SIK3: variants seen among roughly 807,000 people sequenced by gnomAD.
SIK3 encodes serine/threonine-protein kinase SIK3.
Under a neutral mutation model 144.2 loss-of-function variants are expected in SIK3, and 28 were observed. The observed-to-expected ratio is 0.19, with a 90% confidence interval of 0.14 to 0.27. SIK3 has a LOEUF of 0.27. Among genes scored for constraint, SIK3 ranks in the 10% least tolerant of loss-of-function variants. The probability of loss-of-function intolerance (pLI) is 1.00; values close to 1 mark genes in which losing one functional copy is unlikely to be tolerated. For synonymous variants in SIK3, 686 were observed against 676.3 expected, an observed-to-expected ratio of 1.01 and a Z score of -0.22; for missense variants, 1,319 against 1,776.0, an observed-to-expected ratio of 0.74 and a Z score of 4.62.
intron 1 of SIK3, among the ~76,000 whole-genome samples, chr11:117,000,174 G>C (rs1383792981): frequency 6.6e-6 from 1 of 152,120 alleles, no homozygotes; most frequent in East Asian, 1.9e-4. Context: ...ATTTTAGCAA[G>C]CTTATATAAA....
intron 1 of SIK3, among the ~76,000 whole-genome samples, chr11:117,095,599 G>A (rs1045547966): frequency 1.1e-4 from 17 of 152,146 alleles, no homozygotes; most frequent in African/African-American, 3.9e-4. Flanking sequence ...ATAGGCCATC[G>A]TACTGTATGT....
chr11:116,980,098 T>G (rs1950087727), intron 1 of SIK3, among the ~76,000 whole-genome samples: 3 of 152,196 alleles, frequency 2.0e-5, no homozygotes, highest in Admixed American at 2.0e-4. Context: ...CAAATGCTCC[T>G]CAATTTACAA....
chr11:116,867,799 T>A lies in SIK3; in HGVS notation c.1952+147A>T. On this transcript the variant is annotated intron_variant, in intron 15 of 24. Transcript: ENST00000445177. The surrounding 1 kb of genome is among the most constrained non-coding windows in gnomAD (Gnocchi z 4.1). ...AACCTTTGCCCTGTGCATTGCTTAC[T>A]GCAAGGAGCTGAGAAGATGTGAGTT... 1 of 789,394 alleles carries A rather than the reference T, an allele frequency of 1.3e-6. No homozygotes were observed. The highest frequency in any genetic ancestry group is 1.9e-6 in the Non-Finnish European group (1 of 523,060). 48.9% of individuals were successfully genotyped at this position (789,394 alleles called of 1,614,324 possible). A position where few individuals can be genotyped will look rare whatever the true frequency, so the allele number is the denominator to read the frequency against.
rs768662798 is a variant in SIK3 at position 116,873,917 on chromosome 11, G to C, written c.1567C>G (p.Gln523Glu). The C allele has an allele frequency of 5.6e-6, 9 of 1,612,680 alleles. No individual in the cohort carries two copies. In the Admixed American group the frequency reaches 8.4e-5, roughly 15 times the overall value. Reference sequence around the variant, plus strand: ...TGTCTAGGTACCTTGTACTCAAGTTGCCCGGTTGGTTGCAAGTTTTGCATA... The same window carrying C: ...TGTCTAGGTACCTTGTACTCAAGTTCCCCGGTTGGTTGCAAGTTTTGCATA... Reference protein sequence around the residue: ...LPMQNLQPTGQLEYKEQSLLQ... With the variant: ...LPMQNLQPTGELEYKEQSLLQ... The change falls in exon 12 of 25, where the codon CAA becomes GAA. Residue 523 changes from glutamine to glutamate, a missense_variant. By Grantham distance (29) the Gln-to-Glu change is conservative. Around this residue, in one of 8 missense-constraint regions of SIK3, gnomAD observed 167 missense variants for 263.3 expected, o/e 0.63. Coordinates refer to ENST00000445177, the MANE Select transcript of SIK3 (RefSeq NM_001366686.3).
At chr11:117,081,620 T>C (rs1565625509) in intron 1 of SIK3, among the ~76,000 whole-genome samples, 1 of 152,086 alleles carries the variant, frequency 6.6e-6, no homozygotes, top group African/African-American at 2.4e-5. Context: ...CGAGACTCCG[T>C]CTCAAAATAA....
rs770367886 is a variant in SIK3, at chr11:116,875,438, C to T, written c.1253G>A (p.Gly418Asp). The T allele has an allele frequency of 1.2e-6, 2 of 1,614,156 alleles. No homozygotes were observed. The highest frequency in any genetic ancestry group is 3.3e-5 in the Admixed American group (2 of 60,026). ...GGGAACGCTGATGTTCATAGCAGTA[C>T]CTGCCTGCTCCGCCTGGAAAGCAGT... The part of the protein sequence containing the change: ...APVNIQAEQA[G>D]TAMNISVPQV... The change falls in exon 10 of 25, where the codon GGT becomes GAT. Residue 418 changes from glycine (G) to aspartate (D), a missense_variant. Physicochemically the swap from Gly to Asp is moderately conservative, Grantham distance 94 (BLOSUM62 -1). Coordinates refer to ENST00000445177, the MANE Select transcript of SIK3 (RefSeq NM_001366686.3).
intron 3 of SIK3, among the ~76,000 whole-genome samples, chr11:116,945,764 A>C (rs1948560722): frequency 6.6e-6 from 1 of 152,140 alleles, no homozygotes; most frequent in Admixed American, 6.5e-5. Flanking sequence ...GGGGAAAAAA[A>C]TCACTCAATT....
chr11:117,049,974 G>A (rs1486175193), intron 1 of SIK3, among the ~76,000 whole-genome samples: 2 of 144,794 alleles, frequency 1.4e-5, no homozygotes, highest in African/African-American at 5.2e-5. Flanking sequence ...AAAAAAAATA[G>A]GATCTTATAT....
At position 116,867,907 on chromosome 11, in the gene SIK3, G is replaced by A. The variant is rs1416102150; in HGVS notation, c.1952+39C>T. The stretch of plus-strand genomic sequence containing the variant: ...CTAATCAGAAGGGTGCCTGTCCGAT[G>A]AGCCTCAAGGAGCTCGCACAGCTCA... On this transcript the variant is annotated intron_variant, in intron 15 of 24. Transcript: ENST00000445177. The surrounding 1 kb of genome is among the most constrained non-coding windows in gnomAD (Gnocchi z 4.1). 2.9e-5 allele frequency: 43 copies of A among 1,467,206 alleles called. No individual in the cohort carries two copies. The highest frequency in any genetic ancestry group is 1.8e-4 in the Middle Eastern group (1 of 5,576). 90.9% of individuals were successfully genotyped at this position (1,467,206 alleles called of 1,614,324 possible).
At chr11:117,038,563 G>C (rs967584803) in intron 1 of SIK3, among the ~76,000 whole-genome samples, 4 of 151,732 alleles carry the variant, frequency 2.6e-5, no homozygotes, top group Admixed American at 1.3e-4. Flanking sequence ...CACCATGTTG[G>C]CCAGGCTGGT....
At chr11:116,907,585 T>G (rs1946111471) in intron 4 of SIK3, among the ~76,000 whole-genome samples, 1 of 152,038 alleles carries the variant, frequency 6.6e-6, no homozygotes, top group Non-Finnish European at 1.5e-5. Flanking sequence ...GGCGGAGGGT[T>G]GCACCAGAGT....
chr11:116,943,743 A>G (rs1214734876), intron 3 of SIK3, among the ~76,000 whole-genome samples: 1 of 152,098 alleles, frequency 6.6e-6, no homozygotes, highest in Non-Finnish European at 1.5e-5. Flanking sequence ...ATGTATAGCA[A>G]CTATTCCTAT....
intron 6 of SIK3, 104 bp downstream of exon 6, chr11:116,896,149 G>T (rs1448186744): frequency 2.0e-6 from 3 of 1,488,872 alleles, no homozygotes; most frequent in African/African-American, 2.8e-5. Flanking sequence ...GTTAAAAAAG[G>T]TTGTAAGTGG....
At chr11:116,972,093 A>T (rs1949782232) in intron 1 of SIK3, among the ~76,000 whole-genome samples, 1 of 151,992 alleles carries the variant, frequency 6.6e-6, no homozygotes, top group Non-Finnish European at 1.5e-5. Flanking sequence ...TCTCAAAAAA[A>T]AAAAAAAAAG....
chr11:117,033,169 C>T (rs1271482352), intron 1 of SIK3, among the ~76,000 whole-genome samples: 2 of 152,058 alleles, frequency 1.3e-5, no homozygotes, highest in Non-Finnish European at 2.9e-5. Flanking sequence ...AACTCGGGAC[C>T]GTATATATCT....
intron 1 of SIK3, among the ~76,000 whole-genome samples, chr11:117,067,265 C>G (rs1011485838): frequency 6.6e-6 from 1 of 152,004 alleles, no homozygotes; most frequent in African/African-American, 2.4e-5. Context: ...GCAAGAAAAC[C>G]AGACACAATC....
chr11:116,870,646 G>A (rs1256261900), intron 13 of SIK3, among the ~76,000 whole-genome samples: 1 of 152,088 alleles, frequency 6.6e-6, no homozygotes, highest in East Asian at 1.9e-4. Context: ...CTAACAAATA[G>A]CCAAATGCTT....
chr11:116,911,489 A>G (rs1318417136), intron 4 of SIK3, among the ~76,000 whole-genome samples: 1 of 152,066 alleles, frequency 6.6e-6, no homozygotes, highest in Non-Finnish European at 1.5e-5. Context: ...CCTGGGCAAG[A>G]CAGAGCCAGA....
At chr11:117,004,481 A>C (rs757525116) in intron 1 of SIK3, among the ~76,000 whole-genome samples, 14 of 152,104 alleles carry the variant, frequency 9.2e-5, no homozygotes, top group Non-Finnish European at 1.6e-4. Flanking sequence ...GTGCCACTGC[A>C]CTCCAGCCTG....
Sources: allele counts gnomAD v4.1 joint callset (sites outside exome capture counted in the v4.1 genomes callset), GRCh38; gene constraint gnomAD v4.1.1; regional missense constraint gnomAD v4.1.1; non-coding constraint Gnocchi (gnomAD v3.1); transcripts MANE v1.5; gene names NCBI Gene and HGNC (gene_info 2026-07-23, HGNC 2026-07-21).